The following CSMD1 variants were observed in gnomAD, a reference collection of about 807,000 sequenced individuals.
CSMD1 encodes the protein CUB and Sushi multiple domains 1.
CSMD1 carries 213 observed loss-of-function variants against 417.5 expected under a neutral mutation model. The ratio of observed to expected loss-of-function variants is 0.51; its 90% CI spans 0.46 to 0.57. CSMD1 has a LOEUF of 0.57. CSMD1 is among the 20% of genes least tolerant of loss of function. The pLI, the probability that CSMD1 is intolerant of heterozygous loss-of-function variation, is 0.00. For missense variants in CSMD1, 6,923 were observed against 4,529.7 expected (o/e 1.53, Z -15.17); for synonymous variants, 2,862 against 1,736.8 (o/e 1.65, Z -16.11).
At chr8:3,581,647 T>C (rs1219118675) in intron 9 of CSMD1, among the ~76,000 whole-genome samples, 2 of 152,216 alleles carry the variant, frequency 1.3e-5, no homozygotes, top group Non-Finnish European at 2.9e-5. Context: ...GGAATACCTT[T>C]ATGCTCAGAA....
chr8:4,296,694 GGGT>G (rs1227686338), intron 3 of CSMD1, among the ~76,000 whole-genome samples: 1 of 80,418 alleles, frequency 1.2e-5, no homozygotes, highest in Admixed American at 1.7e-4. Flanking sequence ...ACGAAAATAA[GGGT>G]TTTTTTTTTT....
At chr8:3,026,454 A>T (rs1018208200) in intron 51 of CSMD1, among the ~76,000 whole-genome samples, 1 of 147,054 alleles carries the variant, frequency 6.8e-6, no homozygotes, top group African/African-American at 2.5e-5. Context: ...GCCTGACTGG[A>T]CCTCAGTGGA....
At chr8:4,954,340 T>G (rs1173959384) in intron 1 of CSMD1, among the ~76,000 whole-genome samples, 2 of 152,164 alleles carry the variant, frequency 1.3e-5, no homozygotes, top group Non-Finnish European at 2.9e-5. Flanking sequence ...AAAAAGGTGA[T>G]ATTTCCATTT....
chr8:3,629,192 G>C (rs1418479939), intron 7 of CSMD1, among the ~76,000 whole-genome samples: 1 of 152,072 alleles, frequency 6.6e-6, no homozygotes, highest in African/African-American at 2.4e-5. Context: ...GCTTGTAAAG[G>C]GGAACAGCTT....
chr8:3,482,105 G>C (rs531892622), intron 11 of CSMD1, among the ~76,000 whole-genome samples: 3 of 152,054 alleles, frequency 2.0e-5, no homozygotes, highest in African/African-American at 7.2e-5. Flanking sequence ...CCTTAGGAAG[G>C]CAAGAAAAGC....
At position 3,039,148 on chromosome 8, in the gene CSMD1, C is replaced by G. The variant is rs191392541; in HGVS notation, c.7661-9635G>C. ...AAACACCGTGTGAGTGAGGCAGACA[C>G]AGGAAGCTGAATTACAAGAAGGTAT... On this transcript the variant is annotated intron_variant, in intron 50 of 69. Coordinates refer to ENST00000635120, the MANE Select transcript of CSMD1 (RefSeq NM_033225.6). Among the ~76,000 whole-genome samples the G allele has an allele frequency of 9.6e-4, 146 of 152,234 alleles. 1 individual carries two copies. Among genetic ancestry groups the G allele is most frequent in the African/African-American group, 3.2e-3 (134 of 41,542 alleles).
chr8:3,786,711 T>C (rs981267756), intron 5 of CSMD1, among the ~76,000 whole-genome samples: 13 of 152,318 alleles, frequency 8.5e-5, no homozygotes, highest in Middle Eastern at 3.4e-3. Context: ...TCTCACTGTC[T>C]AGAGGGTGGA....
At chr8:4,263,506 G>C (rs1804030150) in intron 3 of CSMD1, among the ~76,000 whole-genome samples, 2 of 152,164 alleles carry the variant, frequency 1.3e-5, no homozygotes, top group South Asian at 2.1e-4. Flanking sequence ...GTCTGTGGCA[G>C]TTAATTTACT....
At chr8:3,976,287 G>C (rs187476939) in intron 5 of CSMD1, among the ~76,000 whole-genome samples, 31 of 151,032 alleles carry the variant, frequency 2.1e-4, no homozygotes, top group Admixed American at 1.2e-3. Flanking sequence ...TTAGCTGTCA[G>C]GTTATACTTA....
intron 23 of CSMD1, among the ~76,000 whole-genome samples, chr8:3,313,792 A>T (rs917766756): frequency 1.3e-5 from 2 of 152,214 alleles, no homozygotes; most frequent in Non-Finnish European, 1.5e-5. Flanking sequence ...AGGATTATAA[A>T]TCATGCTTCT....
intron 5 of CSMD1, among the ~76,000 whole-genome samples, chr8:3,872,461 A>G (rs1479663488): frequency 6.6e-6 from 1 of 152,192 alleles, no homozygotes; most frequent in Non-Finnish European, 1.5e-5. Flanking sequence ...TGCAAATGAA[A>G]AAGCTGTGGG....
intron 8 of CSMD1, among the ~76,000 whole-genome samples, chr8:3,604,998 A>T (rs1343905041): frequency 6.6e-6 from 1 of 152,130 alleles, no homozygotes; most frequent in Non-Finnish European, 1.5e-5. Context: ...ACACAACTTA[A>T]AAGAAAGCAG....
intron 5 of CSMD1, among the ~76,000 whole-genome samples, chr8:3,779,266 G>A (rs2623660): frequency 0.28 from 42,118 of 151,502 alleles, 6,422 homozygotes; most frequent in East Asian, 0.45. Flanking sequence ...GGTATTATCT[G>A]TTTGCTTGAG....
chr8:3,497,240 C>G (rs1499683), intron 10 of CSMD1, among the ~76,000 whole-genome samples: 2 of 151,680 alleles, frequency 1.3e-5, no homozygotes, highest in Non-Finnish European at 2.9e-5. Context: ...CTGAGAGTAG[C>G]AGGATGTTCA....
At chr8:4,706,361 C>A (rs568278144) in intron 1 of CSMD1, among the ~76,000 whole-genome samples, 9 of 152,070 alleles carry the variant, frequency 5.9e-5, no homozygotes, top group Admixed American at 5.2e-4. Context: ...TATTATACTC[C>A]ATACTGAATT....
chr8:4,977,031 T>A (rs1329621737), intron 1 of CSMD1, among the ~76,000 whole-genome samples: 2 of 152,202 alleles, frequency 1.3e-5, no homozygotes, highest in African/African-American at 2.4e-5. Context: ...CCATATTATG[T>A]GTTGGCAAAA....
At chr8:3,278,583 A>C (rs1369976623) in intron 26 of CSMD1, 1 of 152,172 alleles carries the variant, frequency 6.6e-6, no homozygotes, top group Non-Finnish European at 1.5e-5. Context: ...AACTAATTCC[A>C]ATGTTTTAAA....
intron 7 of CSMD1, among the ~76,000 whole-genome samples, chr8:3,633,010 C>G (rs12541127): frequency 0.12 from 18,187 of 152,246 alleles, 1,253 homozygotes; most frequent in African/African-American, 0.18. Context: ...GATATGTTTC[C>G]TCAGTGAGTG....
At position 3,456,044 on chromosome 8, in the gene CSMD1, G is replaced by A. The variant is rs375154936; in HGVS notation, c.1561+12668C>T. Among the ~76,000 whole-genome samples, 403 of 152,278 alleles carry A rather than the reference G, an allele frequency of 2.6e-3. 1 individual carries two copies. The highest frequency in any genetic ancestry group is 0.017 in the Middle Eastern group (5 of 294). The stretch of plus-strand genomic sequence containing the variant: ...CCTCCCCCAGCCTCGCCGCCGCCTT[G>A]CTATTTGATCTGAGACTGCTGTCTC... On this transcript the variant is annotated intron_variant, in intron 12 of 69. Coordinates refer to ENST00000635120, the MANE Select transcript of CSMD1 (RefSeq NM_033225.6).
Sources: gnomAD v4.1 joint callset for allele counts (sites outside exome capture counted in the v4.1 genomes callset) on GRCh38, gnomAD v4.1.1 for gene constraint, MANE v1.5 for transcripts, NCBI Gene and HGNC (gene_info 2026-07-23, HGNC 2026-07-21) for gene names.